Variants in DHTKD1 observed in about 807,000 individuals in gnomAD.
The protein encoded by DHTKD1 is dehydrogenase E1 and transketolase domain containing 1, also known as 2-oxoadipate dehydrogenase complex component E1.
In DHTKD1, 78 loss-of-function variants were observed where a neutral mutation model predicts 101.8. The ratio of observed to expected loss-of-function variants is 0.77; its 90% CI spans 0.64 to 0.93. The LOEUF (loss-of-function observed/expected upper bound fraction) is 0.93. DHTKD1 is among the 40% of genes least tolerant of loss of function. The probability of loss-of-function intolerance (pLI) is 0.00; values close to 1 mark genes in which losing one functional copy is unlikely to be tolerated. For missense variants in DHTKD1, 1,223 were observed against 1,161.7 expected (o/e 1.05, Z -0.77); for synonymous variants, 462 against 450.3 (o/e 1.03, Z -0.33).
At chr10:12,109,104 G>A (rs1052967434) in intron 12 of DHTKD1, among the ~76,000 whole-genome samples, 6 of 151,824 alleles carry the variant, frequency 4.0e-5, no homozygotes, top group African/African-American at 1.2e-4. Flanking sequence ...GTGAGATCAC[G>A]CCACTGCACT....
At chr10:12,079,551 C>T (rs1053958933) in intron 1 of DHTKD1, among the ~76,000 whole-genome samples, 1 of 152,002 alleles carries the variant, frequency 6.6e-6, no homozygotes, top group Non-Finnish European at 1.5e-5. Flanking sequence ...ACCTGTAGTC[C>T]CAGCTACTCA....
intron 13 of DHTKD1, among the ~76,000 whole-genome samples, chr10:12,116,742 G>A (rs1261884220): frequency 6.6e-6 from 1 of 151,452 alleles, no homozygotes; most frequent in Non-Finnish European, 1.5e-5. Context: ...TGTCACCCAG[G>A]CTGGAGTGCA....
intron 5 of DHTKD1, among the ~76,000 whole-genome samples, chr10:12,090,040 C>T (rs866587460): frequency 4.4e-4 from 67 of 151,874 alleles, no homozygotes; most frequent in Middle Eastern, 3.4e-3. Flanking sequence ...CACAAATTAT[C>T]AGTGTGGTTC....
At position 12,081,516 on chromosome 10, in the gene DHTKD1, G is replaced by T. The variant is rs748206716; in HGVS notation, c.199G>T (p.Gly67Cys). 3 of 1,614,080 alleles carry T rather than the reference G, an allele frequency of 1.9e-6. No individual in the cohort carries two copies. Among genetic ancestry groups the T allele is most frequent in the Non-Finnish European group, 2.5e-6 (3 of 1,179,980 alleles). The change falls in exon 2 of 17, where the codon GGT (glycine) becomes TGT (cysteine). Residue 67 changes from glycine (G) to cysteine (C), a missense_variant. Coordinates refer to ENST00000263035, the MANE Select transcript of DHTKD1 (RefSeq NM_018706.7). ...ARLVTVYCEH[G>C]HKAAKINPLF... ...GTTGGTGACAGTATATTGTGAGCAT[G>T]GTCATAAAGCTGCCAAAATCAACCC...
intron 2 of DHTKD1, 42 bp from the exon 3 acceptor site, chr10:12,084,498 A>T (rs745655280): frequency 7.9e-7 from 1 of 1,264,778 alleles, no homozygotes; most frequent in South Asian, 1.2e-5. Context: ...GTTAAGGAAC[A>T]TGATTATTTT....
At chr10:12,102,339 G>T (rs947064484) in intron 10 of DHTKD1, among the ~76,000 whole-genome samples, 2 of 149,006 alleles carry the variant, frequency 1.3e-5, no homozygotes, top group Non-Finnish European at 3.0e-5. Flanking sequence ...CAGAAGAATC[G>T]CTTGAACCCA....
chr10:12,075,525 C>A (rs1408391589), intron 1 of DHTKD1, among the ~76,000 whole-genome samples: 1 of 151,554 alleles, frequency 6.6e-6, no homozygotes, highest in Non-Finnish European at 1.5e-5. Context: ...CAGGCATGAG[C>A]CACTGCGCCC....
Position 12,120,960 on chromosome 10 carries a change from C to T in DHTKD1, c.*72C>T, listed in dbSNP as rs1306926265. 11 of 1,405,230 alleles carry T rather than the reference C, an allele frequency of 7.8e-6. No homozygotes were observed. The East Asian group carries it at 2.7e-4, about 35-fold the overall frequency. The allele number at this position is 1,405,230 out of a possible 1,614,324, so 87.0% of individuals were successfully genotyped here. On this transcript the variant is annotated 3_prime_UTR_variant, in exon 17 of 17. Coordinates refer to ENST00000263035, the MANE Select transcript of DHTKD1 (RefSeq NM_018706.7). ...TAAGGCCGGGTGGGGTGGCACATGC[C>T]TGTAATCCCAGCACTTTGGGAGGCC...
intron 1 of DHTKD1, among the ~76,000 whole-genome samples, chr10:12,075,134 C>G (rs971373494): frequency 3.3e-5 from 5 of 152,098 alleles, no homozygotes; most frequent in African/African-American, 9.7e-5. Context: ...AGAAAACATC[C>G]CCTTAGAGAA....
At chr10:12,094,744 A>G (rs1833043208) in intron 7 of DHTKD1, among the ~76,000 whole-genome samples, 2 of 152,174 alleles carry the variant, frequency 1.3e-5, no homozygotes, top group Admixed American at 6.5e-5. Context: ...AGCAATTGCA[A>G]TTCTTGTGCC....
rs1832929925 is a variant in DHTKD1 at position 12,087,955 on chromosome 10, T to C, written c.717+226T>C. On this transcript the variant is annotated intron_variant, in intron 4 of 16. Coordinates refer to ENST00000263035, the MANE Select transcript of DHTKD1 (RefSeq NM_018706.7). This position sits in a 1 kb window ranked among gnomAD's most constrained non-coding sequence, Gnocchi z 5.2. ...AGTGAGACTTTGTCTCTACCAAAAATAAAATAAGTTAGCCAAGCATGGTGG... is the reference window on the plus strand; with the variant it reads ...AGTGAGACTTTGTCTCTACCAAAAACAAAATAAGTTAGCCAAGCATGGTGG... Among the ~76,000 whole-genome samples, 2 of 151,468 alleles carry C rather than the reference T, an allele frequency of 1.3e-5. No individual in the cohort carries two copies. The highest frequency in any genetic ancestry group is 2.4e-5 in the African/African-American group (1 of 41,186).
At chr10:12,119,585 CA>C (rs1833489453) in intron 15 of DHTKD1, among the ~76,000 whole-genome samples, 1 of 141,420 alleles carries the variant, frequency 7.1e-6, no homozygotes, top group African/African-American at 2.7e-5. Context: ...TACTGCACTC[CA>C]GCCTGGGCGA....
intron 12 of DHTKD1, 32 bp downstream of exon 12, chr10:12,108,047 C>G (rs1185979098): frequency 1.3e-6 from 2 of 1,526,166 alleles, no homozygotes; most frequent in African/African-American, 1.4e-5. Context: ...GTCAATGAAT[C>G]ATTTTCCTGC....
chr10:12,101,244 A>G, intron 10 of DHTKD1, 63 bp downstream of exon 10: 1 of 1,549,774 alleles, frequency 6.5e-7, no homozygotes, highest in Non-Finnish European at 8.7e-7. Flanking sequence ...CAGGATTCTT[A>G]GAACAAGTAG....
intron 13 of DHTKD1, among the ~76,000 whole-genome samples, chr10:12,113,425 T>C (rs1405092593): frequency 2.0e-5 from 3 of 152,192 alleles, no homozygotes; most frequent in Non-Finnish European, 2.9e-5. Context: ...CTCTAACTCT[T>C]GACCTCAGGT....
At chr10:12,099,669 CAG>C (rs1390542013) in intron 8 of DHTKD1, among the ~76,000 whole-genome samples, 2 of 152,026 alleles carry the variant, frequency 1.3e-5, no homozygotes, top group Non-Finnish European at 2.9e-5. Context: ...GCCTGCGTGA[CAG>C]AGTGAGACTG....
In DHTKD1 at chr10:12,117,541, T is replaced by A. The variant is rs529774039; in HGVS notation, c.2320-132T>A. The A allele has an allele frequency of 1.0e-5, 7 of 670,402 alleles. No homozygotes were observed. In the African/African-American group the frequency reaches 1.3e-4, roughly 12 times the overall value. 41.5% of individuals were successfully genotyped at this position (670,402 alleles called of 1,614,324 possible). On this transcript the variant is annotated intron_variant, in intron 13 of 16. Coordinates refer to ENST00000263035, the MANE Select transcript of DHTKD1 (RefSeq NM_018706.7). ...TGATATTTTTTGGCAAGGCATTGCG[T>A]CTATTAGGACATGGGTCTCCTTGCA...
rs149300300 is a variant in DHTKD1, at chr10:12,072,975, A to G, written c.154+3788A>G. ...GGTCTCGAACTCCCGACCTCAGGTG[A>G]TCCACCCACCTCGGCCTCCCAAAGT... On this transcript the variant is annotated intron_variant, in intron 1 of 16. Coordinates refer to ENST00000263035, the MANE Select transcript of DHTKD1 (RefSeq NM_018706.7). Among the ~76,000 whole-genome samples, 508 of 152,116 alleles carry G rather than the reference A, an allele frequency of 3.3e-3. 3 individuals carry two copies. Among genetic ancestry groups the G allele is most frequent in the African/African-American group, 0.012 (485 of 41,516 alleles).
rs1832919503 is a variant in DHTKD1 at position 12,087,457 on chromosome 10, C to A, written c.523-78C>A. 1.5e-6 allele frequency: 2 copies of A among 1,312,230 alleles called. No individual in the cohort carries two copies. The highest frequency in any genetic ancestry group is 2.8e-5 in the South Asian group (2 of 70,450). 81.3% of individuals were successfully genotyped at this position (1,312,230 alleles called of 1,614,324 possible). A position where few individuals can be genotyped will look rare whatever the true frequency, so the allele number is the denominator to read the frequency against. On this transcript the variant is annotated intron_variant, in intron 3 of 16. Transcript: ENST00000263035. The surrounding 1 kb of genome is among the most constrained non-coding windows in gnomAD (Gnocchi z 5.2). ...TGGGGAGTGTGGGGCCATCTCACAA[C>A]ACACACAGACTTATCTGCCTTCCAC...
Sources: allele counts gnomAD v4.1 joint callset (sites outside exome capture counted in the v4.1 genomes callset), GRCh38; gene constraint gnomAD v4.1.1; non-coding constraint Gnocchi (gnomAD v3.1); transcripts MANE v1.5; gene names NCBI Gene and HGNC (gene_info 2026-07-23, HGNC 2026-07-21).